The following TBC1D5 variants were observed in gnomAD, a reference collection of about 807,000 sequenced individuals.
The protein encoded by TBC1D5 is TBC1 domain family, member 5.
In TBC1D5, 75 loss-of-function variants were observed where a neutral mutation model predicts 100.3. That is an observed-to-expected ratio of 0.75 (90% CI 0.62 to 0.91). TBC1D5 has a LOEUF of 0.91. Ranked by LOEUF, TBC1D5 falls within the 40% of genes least tolerant of loss-of-function variation. The probability of loss-of-function intolerance (pLI) is 0.00; values close to 1 mark genes in which losing one functional copy is unlikely to be tolerated. For missense variants in TBC1D5, 910 were observed against 942.4 expected, an observed-to-expected ratio of 0.97 and a Z score of 0.45; for synonymous variants, 323 against 325.6, an observed-to-expected ratio of 0.99 and a Z score of 0.09.
chr3:17,611,673 A>G (rs748005973), intron 2 of TBC1D5, among the ~76,000 whole-genome samples: 21 of 152,228 alleles, frequency 1.4e-4, no homozygotes, highest in Non-Finnish European at 2.8e-4. Context: ...ACAACTGAGA[A>G]ACCAGAGTGG....
At chr3:17,717,425 G>C (rs1216450245) in intron 1 of TBC1D5, among the ~76,000 whole-genome samples, 2 of 152,106 alleles carry the variant, frequency 1.3e-5, no homozygotes, top group Non-Finnish European at 2.9e-5. Flanking sequence ...CAAATAAACA[G>C]ATCACAAGGA....
intron 8 of TBC1D5, 69 bp downstream of exon 8, chr3:17,403,112 T>C (rs1018756262): frequency 7.4e-7 from 1 of 1,350,250 alleles, no homozygotes. Flanking sequence ...ATTTTGTGTT[T>C]TGTTAAAATT....
At chr3:17,279,288 C>T (rs1010874880) in intron 15 of TBC1D5, among the ~76,000 whole-genome samples, 2 of 152,102 alleles carry the variant, frequency 1.3e-5, no homozygotes, top group Non-Finnish European at 2.9e-5. Context: ...TGTAAATATG[C>T]CCATCATTTA....
chr3:17,199,819 C>T (rs890216428), intron 18 of TBC1D5, among the ~76,000 whole-genome samples: 2 of 152,246 alleles, frequency 1.3e-5, no homozygotes, highest in East Asian at 1.9e-4. Context: ...TTTTGTAGCA[C>T]GGACAAGGTA....
intron 2 of TBC1D5, among the ~76,000 whole-genome samples, chr3:17,587,142 C>G (rs950992117): frequency 6.6e-6 from 1 of 151,668 alleles, no homozygotes; most frequent in Admixed American, 6.6e-5. Flanking sequence ...TTTTTTTCAT[C>G]TTTAGTAATA....
intron 2 of TBC1D5, among the ~76,000 whole-genome samples, chr3:17,591,257 A>C (rs1420289656): frequency 2.5e-5 from 3 of 121,424 alleles, no homozygotes; most frequent in African/African-American, 3.4e-5. Flanking sequence ...AAAAAAAAAA[A>C]AAAAAAAAAC....
At chr3:17,280,686 C>CATCAGCA (rs1178616731) in intron 15 of TBC1D5, among the ~76,000 whole-genome samples, 1 of 152,176 alleles carries the variant, frequency 6.6e-6, no homozygotes, top group Non-Finnish European at 1.5e-5. Flanking sequence ...GAGCCACTTT[C>CATCAGCA]ATCAGCAATA....
At chr3:17,251,618 A>G (rs1334109781) in intron 16 of TBC1D5, among the ~76,000 whole-genome samples, 1 of 152,114 alleles carries the variant, frequency 6.6e-6, no homozygotes, top group Non-Finnish European at 1.5e-5. Flanking sequence ...AAAAATCAAG[A>G]AGCCTGATTT....
intron 8 of TBC1D5, among the ~76,000 whole-genome samples, chr3:17,385,613 G>A (rs1392585366): frequency 6.6e-6 from 1 of 151,790 alleles, no homozygotes; most frequent in Non-Finnish European, 1.5e-5. Context: ...ATAAATTAAG[G>A]TCCATTTTAC....
chr3:17,233,684 C>T lies in TBC1D5; in HGVS notation c.1588+4479G>A. 1.3e-6 allele frequency: 2 copies of T among 1,513,946 alleles called. No individual in the cohort carries two copies. Among genetic ancestry groups the T allele is most frequent in the Non-Finnish European group, 1.8e-6 (2 of 1,118,630 alleles). The allele number at this position is 1,513,946 out of a possible 1,614,324, so 93.8% of individuals were successfully genotyped here. ...ACACTATGTTGTTATGGTAACTGTA[C>T]CTTGGAGGTCAGTTAGAGTCTGGAC... On this transcript the variant is annotated intron_variant, in intron 17 of 21. Coordinates refer to ENST00000253692, the Ensembl canonical transcript of TBC1D5.
intron 3 of TBC1D5, among the ~76,000 whole-genome samples, chr3:17,453,079 T>TAAAAAAAA (rs570210975): frequency 2.5e-3 from 203 of 80,978 alleles, no homozygotes; most frequent in East Asian, 3.7e-3. Context: ...AATGAAGAAA[T>TAAAAAAAA]AAAAAAAAAA....
intron 17 of TBC1D5, among the ~76,000 whole-genome samples, chr3:17,237,265 G>A (rs1379563663): frequency 6.6e-6 from 1 of 152,110 alleles, no homozygotes; most frequent in Non-Finnish European, 1.5e-5. Flanking sequence ...AGTATTTTTT[G>A]CCATCAAGAT....
At chr3:17,396,552 C>T (rs2093510816) in intron 8 of TBC1D5, among the ~76,000 whole-genome samples, 1 of 150,600 alleles carries the variant, frequency 6.6e-6, no homozygotes, top group South Asian at 2.1e-4. Flanking sequence ...ATTTCTTTTT[C>T]AAAATAGGAA....
intron 13 of TBC1D5, among the ~76,000 whole-genome samples, chr3:17,366,513 C>T (rs766518851): frequency 6.6e-6 from 1 of 151,980 alleles, no homozygotes; most frequent in Non-Finnish European, 1.5e-5. Flanking sequence ...TCTGGGAAAA[C>T]ATTCAGTAGT....
intron 17 of TBC1D5, among the ~76,000 whole-genome samples, chr3:17,227,222 G>A (rs73032761): frequency 0.01 from 1,566 of 152,234 alleles, 13 homozygotes; most frequent in Non-Finnish European, 0.018. Context: ...AACTCAAGAG[G>A]AAATGGTCGT....
intron 16 of TBC1D5, among the ~76,000 whole-genome samples, chr3:17,256,353 C>T (rs2077670275): frequency 6.9e-6 from 1 of 144,910 alleles, no homozygotes; most frequent in East Asian, 2.1e-4. Context: ...TTCCAATCTT[C>T]AAGATACTTT....
chr3:17,506,361 T>C (rs549154837), intron 3 of TBC1D5, among the ~76,000 whole-genome samples: 1 of 152,292 alleles, frequency 6.6e-6, no homozygotes, highest in Non-Finnish European at 1.5e-5. Flanking sequence ...GAACAAGATA[T>C]TTACATATCT....
intron 1 of TBC1D5, among the ~76,000 whole-genome samples, chr3:17,703,096 C>CA (rs2073437532): frequency 6.6e-6 from 1 of 152,060 alleles, no homozygotes; most frequent in Admixed American, 6.5e-5. Flanking sequence ...TTCAGCCAGA[C>CA]ACAATGTTCA....
intron 3 of TBC1D5, among the ~76,000 whole-genome samples, chr3:17,473,688 A>T (rs1451738494): frequency 6.6e-6 from 1 of 152,312 alleles, no homozygotes; most frequent in South Asian, 2.1e-4. Context: ...TTTGATGAGG[A>T]TTTAACTAAG....
Sources: gnomAD v4.1 joint callset for allele counts (sites outside exome capture counted in the v4.1 genomes callset) on GRCh38, gnomAD v4.1.1 for gene constraint, MANE v1.5 for transcripts, NCBI Gene and HGNC (gene_info 2026-07-23, HGNC 2026-07-21) for gene names.